The following ODAD2 variants were observed in gnomAD, a reference collection of about 807,000 sequenced individuals.
ODAD2 encodes the protein outer dynein arm-docking complex subunit 2.
Under a neutral mutation model 106.8 loss-of-function variants are expected in ODAD2, and 89 were observed. That is an observed-to-expected ratio of 0.83 (90% CI 0.70 to 0.99). The LOEUF (loss-of-function observed/expected upper bound fraction) is 0.99. Among genes scored for constraint, ODAD2 ranks in the 50% least tolerant of loss-of-function variants. The pLI, the probability that ODAD2 is intolerant of heterozygous loss-of-function variation, is 0.00. For missense variants in ODAD2, 1,168 were observed against 1,238.5 expected, an observed-to-expected ratio of 0.94 and a Z score of 0.85; for synonymous variants, 404 against 436.2, an observed-to-expected ratio of 0.93 and a Z score of 0.92.
intron 12 of ODAD2, among the ~76,000 whole-genome samples, chr10:27,942,209 A>G (rs1846507807): frequency 6.6e-6 from 1 of 152,216 alleles, no homozygotes; most frequent in Non-Finnish European, 1.5e-5. Flanking sequence ...GCAAAAATTT[A>G]TTCCTTGATT....
Position 27,985,060 on chromosome 10 carries a change from C to G in ODAD2, c.534G>C (p.Leu178Phe), listed in dbSNP as rs550542420. The G allele has an allele frequency of 2.1e-4, 331 of 1,609,012 alleles. 9 individuals are homozygous for G. In the South Asian group the frequency reaches 2.5e-3, roughly 12 times the overall value. The change falls in exon 4 of 20, where the codon TTG becomes TTC. Residue 178 changes from leucine to phenylalanine, a missense_variant. By Grantham distance (22) the Leu-to-Phe change is conservative. Transcript: ENST00000305242. ...KMKIAMLLKQLDLHLLNHSLK... is the reference protein window; with the variant it reads ...KMKIAMLLKQFDLHLLNHSLK... ...GAGAATGATTGAGGAGGTGCAGATC[C>G]AATTGCTTAAGCAGCATAGCAATCT...
chr10:27,964,181 T>C (rs1407391294), intron 9 of ODAD2, among the ~76,000 whole-genome samples: 1 of 152,176 alleles, frequency 6.6e-6, no homozygotes, highest in Non-Finnish European at 1.5e-5. Flanking sequence ...AAGATCGTGC[T>C]ACTGCACTCC....
At chr10:27,885,591 TAAATATATATATA>T (rs1209051523) in intron 17 of ODAD2, among the ~76,000 whole-genome samples, 15 of 71,646 alleles carry the variant, frequency 2.1e-4, no homozygotes, top group African/African-American at 8.2e-4. Context: ...TATATAAATA[TAAATATATATATA>T]AAATATATAT....
At chr10:27,856,121 T>C (rs929071029) in intron 19 of ODAD2, among the ~76,000 whole-genome samples, 2 of 152,208 alleles carry the variant, frequency 1.3e-5, no homozygotes, top group Non-Finnish European at 1.5e-5. Context: ...AGACTTCTCA[T>C]ATTTTCCACA....
chr10:27,979,471 CAG>C (rs1491277715), intron 7 of ODAD2, among the ~76,000 whole-genome samples: 11,127 of 149,162 alleles, frequency 0.075, 555 homozygotes, highest in East Asian at 0.26. Context: ...CACACACACA[CAG>C]AGTTAAATGA....
rs73606003 is a variant in ODAD2, at chr10:27,927,655, C to T, written c.2495+7355G>A. On this transcript the variant is annotated intron_variant, in intron 16 of 19. Coordinates refer to ENST00000305242, the MANE Select transcript of ODAD2 (RefSeq NM_018076.5). ...AAGTTTAGTCCTTATCTTACCAGGC[C>T]TTGCTATAGAATTTAACATGTTTGA... 3.0e-3 allele frequency among the ~76,000 whole-genome samples: 458 copies of T among 152,234 alleles called. 5 individuals are homozygous for T. Among genetic ancestry groups the T allele is most frequent in the African/African-American group, 0.011 (445 of 41,556 alleles).
At chr10:27,947,584 C>CT (rs1564536648) in intron 10 of ODAD2, among the ~76,000 whole-genome samples, 1 of 152,128 alleles carries the variant, frequency 6.6e-6, no homozygotes, top group Non-Finnish European at 1.5e-5. Context: ...GAATAAAGCT[C>CT]TTTTTTTCTC....
intron 3 of ODAD2, among the ~76,000 whole-genome samples, chr10:27,986,348 A>G (rs1391141992): frequency 6.6e-6 from 1 of 152,236 alleles, no homozygotes; most frequent in Non-Finnish European, 1.5e-5. Flanking sequence ...TTCTTGCAGA[A>G]ATGGCAAAAT....
intron 9 of ODAD2, among the ~76,000 whole-genome samples, chr10:27,966,463 G>A (rs1848495087): frequency 6.6e-6 from 1 of 152,142 alleles, no homozygotes; most frequent in South Asian, 2.1e-4. Context: ...GCGCCCCAAA[G>A]AAAAGCTGTC....
chr10:27,840,301 A>C (rs1347357604), intron 19 of ODAD2, among the ~76,000 whole-genome samples: 1 of 152,232 alleles, frequency 6.6e-6, no homozygotes, highest in Non-Finnish European at 1.5e-5. Context: ...CCTAAATAAC[A>C]GTGTGACAAA....
intron 10 of ODAD2, among the ~76,000 whole-genome samples, chr10:27,947,203 T>C (rs918447429): frequency 6.6e-6 from 1 of 152,170 alleles, no homozygotes; most frequent in African/African-American, 2.4e-5. Context: ...TTTATAACTG[T>C]CAGGTTCATA....
intron 19 of ODAD2, among the ~76,000 whole-genome samples, chr10:27,817,035 C>A (rs1208045853): frequency 6.6e-6 from 1 of 152,184 alleles, no homozygotes; most frequent in Non-Finnish European, 1.5e-5. Context: ...CAGGCATGAG[C>A]CACCGTGCCC....
At position 27,994,923 on chromosome 10, in the gene ODAD2, C is replaced by T. The variant is rs777599580; in HGVS notation, c.220G>A (p.Val74Ile). Residue 74 changes from valine to isoleucine, a missense_variant, in exon 2 of 20, where the codon GTC becomes ATC. By Grantham distance (29) the Val-to-Ile change is conservative. Around this residue, in one of 3 missense-constraint regions of ODAD2, gnomAD observed 430 missense variants for 452.2 expected, o/e 0.95. Transcript: ENST00000305242. Reference sequence around the variant, plus strand: ...AGAAGCAAGTAACTGGCTTACCTGACAACATAACCTGATTCAAATGCTGAG... The same window carrying T: ...AGAAGCAAGTAACTGGCTTACCTGATAACATAACCTGATTCAAATGCTGAG... ...APSAFESGYVVSETTVKSEEV... is the reference protein window; with the variant it reads ...APSAFESGYVISETTVKSEEV... The T allele has an allele frequency of 1.9e-6, 3 of 1,614,094 alleles. No homozygotes were observed. In the Admixed American group the frequency reaches 5.0e-5, roughly 27 times the overall value.
At chr10:27,911,543 G>C (rs1357692761) in intron 16 of ODAD2, among the ~76,000 whole-genome samples, 1 of 152,076 alleles carries the variant, frequency 6.6e-6, no homozygotes, top group Non-Finnish European at 1.5e-5. Flanking sequence ...TGTGAGCGTG[G>C]AGTTTCACAT....
chr10:27,893,870 C>T (rs972020691), intron 17 of ODAD2, among the ~76,000 whole-genome samples: 17 of 152,180 alleles, frequency 1.1e-4, no homozygotes, highest in African/African-American at 3.6e-4. Context: ...TATTAGAAGG[C>T]CAGGTGTGGT....
intron 17 of ODAD2, among the ~76,000 whole-genome samples, chr10:27,891,667 T>C (rs918027498): frequency 2.6e-5 from 4 of 152,126 alleles, no homozygotes; most frequent in African/African-American, 9.7e-5. Flanking sequence ...GAACATCTTT[T>C]TTTTCTTAAT....
At position 27,862,599 on chromosome 10, in the gene ODAD2, G is replaced by A. The variant is rs1164217391; in HGVS notation, c.2634C>T (p.Ser878=). The change falls in exon 18 of 20, where the codon TCC becomes TCT. Residue 878 remains serine (S), a synonymous_variant. Transcript: ENST00000305242. ...CAATAAGTTCCAAACCACCAACAAA[G>A]GAACGAACCATTTCCCCAGCATCCT... ...NAKDAGEMVR[S]FVGGLELIVN... 3 of 1,605,544 alleles carry A rather than the reference G, an allele frequency of 1.9e-6. No homozygotes were observed. The highest frequency in any genetic ancestry group is 1.7e-5 in the Admixed American group (1 of 58,476).
In ODAD2 at chr10:27,941,596, GTT is replaced by G. The variant is rs371752746; in HGVS notation, c.1744-793_1744-792del. ...CAAACAGCACAACTGCCAGCATCCAGTTTTTTTTTTTTTTTTTTTTGCAATAA... is the reference window on the plus strand; with the variant it reads ...CAAACAGCACAACTGCCAGCATCCAGTTTTTTTTTTTTTTTTTTGCAATAA... On this transcript the variant is annotated intron_variant, in intron 12 of 19. Coordinates refer to ENST00000305242, the MANE Select transcript of ODAD2 (RefSeq NM_018076.5). Among the ~76,000 whole-genome samples the G allele has an allele frequency of 7.2e-3, 823 of 114,914 alleles. 7 individuals carry two copies. The highest frequency in any genetic ancestry group is 0.024 in the African/African-American group (775 of 31,980). The allele number at this position is 114,914 out of a possible 152,430, so 75.4% of individuals were successfully genotyped here.
At chr10:27,987,988 G>C (rs1371000991) in intron 2 of ODAD2, among the ~76,000 whole-genome samples, 1 of 149,862 alleles carries the variant, frequency 6.7e-6, no homozygotes, top group Non-Finnish European at 1.5e-5. Context: ...TGGCTACACT[G>C]TGTTTATGAA....
Sources: gnomAD v4.1 joint callset for allele counts (sites outside exome capture counted in the v4.1 genomes callset) on GRCh38, gnomAD v4.1.1 for gene constraint, gnomAD v4.1.1 regional missense constraint, MANE v1.5 for transcripts, NCBI Gene and HGNC (gene_info 2026-07-23, HGNC 2026-07-21) for gene names.